Variants in ABLIM1 observed in about 807,000 individuals in gnomAD.
ABLIM1 encodes actin binding LIM protein 1.
In ABLIM1, 40 loss-of-function variants were observed where a neutral mutation model predicts 107.0. The ratio of observed to expected loss-of-function variants is 0.37; its 90% CI spans 0.29 to 0.49. The LOEUF (loss-of-function observed/expected upper bound fraction) is 0.49. ABLIM1 is among the 20% of genes least tolerant of loss of function. The pLI, the probability that ABLIM1 is intolerant of heterozygous loss-of-function variation, is 0.97. For synonymous variants in ABLIM1, 357 were observed against 357.3 expected, an observed-to-expected ratio of 1.00 and a Z score of 0.01; for missense variants, 857 against 1,008.5, an observed-to-expected ratio of 0.85 and a Z score of 2.04.
the ABLIM1 span, among the ~76,000 whole-genome samples, chr10:114,797,004 CT>C: frequency 6.6e-6 from 1 of 152,182 alleles, no homozygotes; most frequent in Admixed American, 6.5e-5. Context: ...AATACCCATC[CT>C]CCACATCAAC....
chr10:114,472,265 T>A (rs1008164754), intron 10 of ABLIM1, among the ~76,000 whole-genome samples: 2 of 152,160 alleles, frequency 1.3e-5, no homozygotes, highest in East Asian at 1.9e-4. Flanking sequence ...CTTATTTTTT[T>A]AATATATATA....
At chr10:114,626,521 G>T (rs2077811125) in intron 1 of ABLIM1, among the ~76,000 whole-genome samples, 1 of 152,034 alleles carries the variant, frequency 6.6e-6, no homozygotes, top group Non-Finnish European at 1.5e-5. Context: ...CTGGCTTAAG[G>T]TCTATAAAAC....
At chr10:114,753,286 G>A (rs889189181) in intron 1 of ABLIM1, among the ~76,000 whole-genome samples, 1 of 152,162 alleles carries the variant, frequency 6.6e-6, no homozygotes, top group African/African-American at 2.4e-5. Context: ...AGCCACAGAG[G>A]GGCGTTTGAG....
At chr10:114,452,372 A>G (rs1307602207) in intron 13 of ABLIM1, among the ~76,000 whole-genome samples, 1 of 151,976 alleles carries the variant, frequency 6.6e-6, no homozygotes, top group Non-Finnish European at 1.5e-5. Flanking sequence ...TTTCCCCAGA[A>G]CCGTGGGCAC....
chr10:114,751,692 G>A (rs1311660041), intron 1 of ABLIM1, among the ~76,000 whole-genome samples: 2 of 149,252 alleles, frequency 1.3e-5, no homozygotes, highest in East Asian at 2.0e-4. Context: ...GGAGGTTGCA[G>A]TGAGCCAAGA....
At chr10:114,675,138 G>C (rs1295300037) in intron 1 of ABLIM1, among the ~76,000 whole-genome samples, 1 of 152,086 alleles carries the variant, frequency 6.6e-6, no homozygotes, top group Non-Finnish European at 1.5e-5. Flanking sequence ...ATGTCGCCAA[G>C]TATCCACAAT....
chr10:114,437,960 C>T, intron 21 of ABLIM1, 36 bp from the exon 22 acceptor site: 2 of 1,576,144 alleles, frequency 1.3e-6, no homozygotes, highest in Middle Eastern at 3.3e-4. Context: ...TAGAACACCA[C>T]AGTCCATTTT....
rs2060711224 is a variant in ABLIM1 at position 114,503,507 on chromosome 10, G to T, written c.895-11629C>A. Among the ~76,000 whole-genome samples, 4 of 152,070 alleles carry T rather than the reference G, an allele frequency of 2.6e-5. No homozygotes were observed. In the South Asian group the frequency reaches 8.3e-4, roughly 31 times the overall value. On this transcript the variant is annotated intron_variant, in intron 6 of 22. Transcript: ENST00000533213. Reference sequence around the variant, plus strand: ...GAATAGTGTTGCTATGAAAATTCCTGCCCATGTCTTTTGGTAAATTATATA... The same window carrying T: ...GAATAGTGTTGCTATGAAAATTCCTTCCCATGTCTTTTGGTAAATTATATA...
intron 1 of ABLIM1, among the ~76,000 whole-genome samples, chr10:114,614,749 C>T (rs1181343973): frequency 1.3e-5 from 2 of 152,044 alleles, no homozygotes; most frequent in Non-Finnish European, 2.9e-5. Context: ...GTTCAGGGCA[C>T]AGCTATGAAA....
intron 1 of ABLIM1, chr10:114,632,623 G>T: frequency 1.0e-6 from 1 of 985,416 alleles, no homozygotes; most frequent in Non-Finnish European, 1.2e-6. Context: ...GGAAGGTAGA[G>T]ACTGAGAGAC....
At chr10:114,663,899 C>T (rs1196820990) in intron 1 of ABLIM1, among the ~76,000 whole-genome samples, 2 of 152,222 alleles carry the variant, frequency 1.3e-5, no homozygotes, top group African/African-American at 2.4e-5. Context: ...CCAGGTTCCC[C>T]ACCGTGGCTC....
At chr10:114,704,335 T>TCTCTCACG (rs3061769) in intron 1 of ABLIM1, among the ~76,000 whole-genome samples, 1 of 83,388 alleles carries the variant, frequency 1.2e-5, no homozygotes, top group Non-Finnish European at 2.5e-5. Context: ...TATATATATA[T>TCTCTCACG]TGCGCGCGTT....
intron 1 of ABLIM1, among the ~76,000 whole-genome samples, chr10:114,701,569 T>C (rs1181916586): frequency 1.3e-5 from 2 of 152,186 alleles, no homozygotes; most frequent in Admixed American, 1.3e-4. Context: ...TATAATGGAA[T>C]ATTACTCAGC....
chr10:114,762,399 C>T (rs548743244), intron 1 of ABLIM1, among the ~76,000 whole-genome samples: 6 of 152,276 alleles, frequency 3.9e-5, no homozygotes, highest in African/African-American at 1.2e-4. Flanking sequence ...CTTGAGGGTA[C>T]ATACTGAGCC....
chr10:114,698,035 T>A (rs948428574), intron 1 of ABLIM1, among the ~76,000 whole-genome samples: 1 of 152,080 alleles, frequency 6.6e-6, no homozygotes, highest in Non-Finnish European at 1.5e-5. Flanking sequence ...ATCTCTGTAT[T>A]AATCCCCCTA....
chr10:114,516,259 C>G (rs1231312183), intron 6 of ABLIM1, among the ~76,000 whole-genome samples: 1 of 152,030 alleles, frequency 6.6e-6, no homozygotes, highest in Non-Finnish European at 1.5e-5. Flanking sequence ...TGTGGTGGCT[C>G]ACACCTGTAA....
Position 114,499,861 on chromosome 10 carries a change from C to A in ABLIM1, c.895-7983G>T, listed in dbSNP as rs73353743. 7.3e-3 allele frequency among the ~76,000 whole-genome samples: 1,109 copies of A among 152,222 alleles called. 12 individuals carry two copies. Among genetic ancestry groups the A allele is most frequent in the African/African-American group, 0.026 (1,072 of 41,540 alleles). ...TGCAGAGGCTGACTCAGCTTTTTTG[C>A]GTCTACTGGTTTTTTCACCCTCAAC... On this transcript the variant is annotated intron_variant, in intron 6 of 22. Transcript: ENST00000533213.
chr10:114,631,923 C>A, intron 1 of ABLIM1: 1 of 1,304,472 alleles, frequency 7.7e-7, no homozygotes, highest in Non-Finnish European at 1.0e-6. Flanking sequence ...ACCATGGCAA[C>A]CGGGTCCTCC....
the ABLIM1 span, among the ~76,000 whole-genome samples, chr10:114,781,031 T>A: frequency 3.3e-5 from 5 of 152,170 alleles, no homozygotes; most frequent in African/African-American, 1.2e-4. Context: ...CCCGTGGTTG[T>A]TAGGGGCAAC....
Sources: allele counts gnomAD v4.1 joint callset (sites outside exome capture counted in the v4.1 genomes callset), GRCh38; gene constraint gnomAD v4.1.1; transcripts MANE v1.5; gene names NCBI Gene and HGNC (gene_info 2026-07-23, HGNC 2026-07-21).